ADGRB3: variants seen among roughly 807,000 people sequenced by gnomAD.
The protein encoded by ADGRB3 is brain-specific angiogenesis inhibitor 3.
A neutral mutation model predicts 193.4 loss-of-function variants in ADGRB3; 37 were observed. The observed-to-expected ratio is 0.19, with a 90% CI of 0.15 to 0.25. The LOEUF is 0.25. ADGRB3 is among the 10% of genes least tolerant of loss of function. The pLI, the probability that ADGRB3 is intolerant of heterozygous loss-of-function variation, is 1.00. For missense variants in ADGRB3, 1,637 were observed against 1,852.9 expected (o/e 0.88, Z 2.14); for synonymous variants, 690 against 644.2 (o/e 1.07, Z -1.08).
intron 3 of ADGRB3, among the ~76,000 whole-genome samples, chr6:68,818,056 C>T (rs1279755167): frequency 2.6e-5 from 4 of 151,956 alleles, no homozygotes; most frequent in Non-Finnish European, 5.9e-5. Flanking sequence ...CACCAAAGTT[C>T]AGTGAATAAA....
chr6:69,262,563 C>T (rs1561970043), intron 20 of ADGRB3, among the ~76,000 whole-genome samples: 1 of 151,884 alleles, frequency 6.6e-6, no homozygotes, highest in African/African-American at 2.4e-5. Context: ...TTCTCTCCAA[C>T]CCCATATGAA....
At chr6:68,788,804 T>A (rs189188842) in intron 3 of ADGRB3, among the ~76,000 whole-genome samples, 3 of 152,320 alleles carry the variant, frequency 2.0e-5, no homozygotes, top group African/African-American at 4.8e-5. Context: ...TCTTTGTAGG[T>A]CACTAAGGAC....
intron 15 of ADGRB3, among the ~76,000 whole-genome samples, chr6:69,061,994 A>C (rs1352162455): frequency 6.6e-6 from 1 of 151,974 alleles, no homozygotes; most frequent in Non-Finnish European, 1.5e-5. Context: ...AAGGAGAAAA[A>C]AATTAAATGA....
chr6:69,160,215 A>G (rs932185222), intron 17 of ADGRB3, among the ~76,000 whole-genome samples: 5 of 152,104 alleles, frequency 3.3e-5, no homozygotes, highest in Non-Finnish European at 7.4e-5. Flanking sequence ...TTCTCTGTTC[A>G]ACACCCTTCC....
At chr6:69,234,398 T>G (rs1179300517) in intron 18 of ADGRB3, among the ~76,000 whole-genome samples, 1 of 151,770 alleles carries the variant, frequency 6.6e-6, no homozygotes, top group Admixed American at 6.6e-5. Flanking sequence ...TTGTCATAAT[T>G]ATCTCCACAT....
intron 3 of ADGRB3, among the ~76,000 whole-genome samples, chr6:68,840,455 A>G (rs1237852724): frequency 1.5e-5 from 2 of 130,110 alleles, no homozygotes; most frequent in Non-Finnish European, 3.1e-5. Context: ...CAGTGGCACA[A>G]TCACCTCTCA....
chr6:69,130,153 T>C (rs922602442), intron 17 of ADGRB3, among the ~76,000 whole-genome samples: 52 of 152,046 alleles, frequency 3.4e-4, no homozygotes, highest in African/African-American at 1.2e-3. Flanking sequence ...GGTGTCTTCT[T>C]GCTCTGTCCT....
intron 3 of ADGRB3, among the ~76,000 whole-genome samples, chr6:68,832,839 G>A (rs1767980198): frequency 2.0e-5 from 3 of 152,246 alleles, no homozygotes; most frequent in Admixed American, 1.3e-4. Context: ...TAAGTTTGGA[G>A]AACACTATCT....
intron 3 of ADGRB3, among the ~76,000 whole-genome samples, chr6:68,908,864 C>T (rs1183384052): frequency 1.3e-5 from 2 of 152,086 alleles, no homozygotes; most frequent in Non-Finnish European, 1.5e-5. Flanking sequence ...TCCTCTCTTC[C>T]GTATCTGACA....
chr6:69,014,231 A>AGACT, intron 12 of ADGRB3, 125 bp downstream of exon 12: 1 of 612,560 alleles, frequency 1.6e-6, no homozygotes, highest in Non-Finnish European at 2.7e-6. Flanking sequence ...GTTATATCCT[A>AGACT]GTAATTTTTG....
intron 17 of ADGRB3, among the ~76,000 whole-genome samples, chr6:69,143,639 G>GT (rs1475123016): frequency 1.3e-5 from 2 of 152,058 alleles, no homozygotes; most frequent in Admixed American, 6.5e-5. Context: ...TGAAGAGATT[G>GT]TTTTTTCTGC....
rs1561936111 is a variant in ADGRB3, at chr6:69,153,312, A to T, written c.2480+77274A>T. Among the ~76,000 whole-genome samples, 4 of 152,174 alleles carry T rather than the reference A, an allele frequency of 2.6e-5. 1 individual carries two copies. On this transcript the variant is annotated intron_variant, in intron 17 of 31. Transcript: ENST00000370598. Reference sequence around the variant, plus strand: ...TCCTGCTTCTAAACACATACCTTTGAGATCCAGGGAGTTGTATTGTTGTCT... The same window carrying T: ...TCCTGCTTCTAAACACATACCTTTGTGATCCAGGGAGTTGTATTGTTGTCT...
chr6:69,280,120 A>G (rs1451441384), intron 20 of ADGRB3, among the ~76,000 whole-genome samples: 4 of 152,082 alleles, frequency 2.6e-5, no homozygotes, highest in African/African-American at 9.7e-5. Flanking sequence ...TTGCAAAAAT[A>G]TATGTTTCTG....
At chr6:69,032,736 C>G (rs932365050) in intron 13 of ADGRB3, among the ~76,000 whole-genome samples, 1 of 152,096 alleles carries the variant, frequency 6.6e-6, no homozygotes, top group Non-Finnish European at 1.5e-5. Flanking sequence ...AATTCTGGCT[C>G]AGATTGAAGA....
intron 17 of ADGRB3, among the ~76,000 whole-genome samples, chr6:69,083,897 C>A (rs540505878): frequency 6.6e-6 from 1 of 151,836 alleles, no homozygotes; most frequent in South Asian, 2.1e-4. Context: ...GCCTCAGCCT[C>A]CTGATTAGCT....
intron 16 of ADGRB3, among the ~76,000 whole-genome samples, chr6:69,074,714 T>C (rs987810237): frequency 6.6e-6 from 1 of 151,892 alleles, no homozygotes; most frequent in Non-Finnish European, 1.5e-5. Flanking sequence ...CCTGCTAATT[T>C]TTTTGTATTT....
intron 3 of ADGRB3, among the ~76,000 whole-genome samples, chr6:68,672,445 G>A (rs1190660553): frequency 2.0e-5 from 3 of 150,702 alleles, no homozygotes; most frequent in African/African-American, 4.9e-5. Context: ...TATCTCATTG[G>A]TTTTTATATG....
chr6:68,873,140 G>C (rs1765506605), intron 3 of ADGRB3, among the ~76,000 whole-genome samples: 1 of 152,118 alleles, frequency 6.6e-6, no homozygotes, highest in African/African-American at 2.4e-5. Context: ...ACCCAAAACT[G>C]AGATAGCCAT....
intron 20 of ADGRB3, among the ~76,000 whole-genome samples, chr6:69,299,326 C>A (rs79049021): frequency 0.085 from 12,868 of 151,668 alleles, 646 homozygotes; most frequent in Middle Eastern, 0.22. Context: ...GGGTAGTTGG[C>A]AAATATTTCC....
Sources: allele counts gnomAD v4.1 joint callset (sites outside exome capture counted in the v4.1 genomes callset), GRCh38; gene constraint gnomAD v4.1.1; transcripts MANE v1.5; gene names NCBI Gene and HGNC (gene_info 2026-07-23, HGNC 2026-07-21).